KIF18B: variants seen among roughly 807,000 people sequenced by gnomAD.
The protein encoded by KIF18B is kinesin family member 18B.
In KIF18B, 49 loss-of-function variants were observed where a neutral mutation model predicts 80.9. That is an observed-to-expected ratio of 0.61 (90% CI 0.48 to 0.77). The LOEUF is 0.77. KIF18B is among the 30% of genes least tolerant of loss of function. The probability of loss-of-function intolerance (pLI) is 0.00; values close to 1 mark genes in which losing one functional copy is unlikely to be tolerated. For synonymous variants in KIF18B, 439 were observed against 463.9 expected (o/e 0.95, Z 0.69); for missense variants, 994 against 1,127.7 (o/e 0.88, Z 1.70).
In KIF18B at chr17:44,924,751, A is replaced by G. The variant is rs1285172971; in HGVS notation, c.*1329T>C. 6.6e-6 allele frequency: 1 copy of G among 152,148 alleles called. No homozygotes were observed. The highest frequency in any genetic ancestry group is 1.5e-5 in the Non-Finnish European group (1 of 68,040). 9.4% of individuals were successfully genotyped at this position (152,148 alleles called of 1,614,324 possible). A position where few individuals can be genotyped will look rare whatever the true frequency, so the allele number is the denominator to read the frequency against. ...TTATTGTTATACCAAAAATATATGT[A>G]TATATCTATATATATATGCAGAAAT... On this transcript the variant is annotated 3_prime_UTR_variant, in exon 16 of 16. Transcript: ENST00000593135.
Position 44,933,908 on chromosome 17 carries a change from C to A in KIF18B, c.1062+15G>T. The A allele has an allele frequency of 6.5e-7, 1 of 1,545,840 alleles. No individual in the cohort carries two copies. Among genetic ancestry groups the A allele is most frequent in the Non-Finnish European group, 8.7e-7 (1 of 1,145,052 alleles). ...GAGCTGCCCCACGCCCAAGCCGGCC[C>A]TGGCTGGCACGCACCGAGAGCCTGA... On this transcript the variant is annotated intron_variant, in intron 7 of 15. Transcript: ENST00000593135.
intron 1 of KIF18B, among the ~76,000 whole-genome samples, chr17:44,939,239 C>T (rs1328421675): frequency 2.0e-5 from 3 of 150,814 alleles, no homozygotes; most frequent in African/African-American, 7.3e-5. Context: ...GGCACGGTGG[C>T]GGGCGCCTGT....
At position 44,926,469 on chromosome 17, in the gene KIF18B, G is replaced by A. The variant is rs756350303; in HGVS notation, c.2397C>T (p.Ile799=). 8.2e-6 allele frequency: 13 copies of A among 1,589,736 alleles called. No homozygotes were observed. The East Asian group carries it at 9.1e-5, about 11-fold the overall frequency. Residue 799 remains isoleucine (I), a synonymous_variant, in exon 15 of 16, where the codon ATC becomes ATT. Coordinates refer to ENST00000593135, the MANE Select transcript of KIF18B (RefSeq NM_001265577.2). ...SSSVSHGRSR[I]ARLPSSTLKR... is the part of the protein sequence containing the mutation. ...TCAAAGTGCTGCTGGGGAGGCGGGC[G>A]ATGCGGCTGCGGCCATGGGAGACTG...
In KIF18B at chr17:44,935,351, C is replaced by T. The variant is rs751378591; in HGVS notation, c.379G>A (p.Gly127Ser). 1.1e-5 allele frequency: 17 copies of T among 1,613,140 alleles called. No homozygotes were observed. The Admixed American group carries it at 1.3e-4, about 13-fold the overall frequency. The change falls in exon 3 of 16, where the codon GGC becomes AGC. Residue 127 changes from glycine (G) to serine (S), a missense_variant. Transcript: ENST00000593135. ...TCCACGGTGGTCAGGTACATGATGCCGGGGTCCCCCTCCCTTCCCAGCATG... is the reference window on the plus strand; with the variant it reads ...TCCACGGTGGTCAGGTACATGATGCTGGGGTCCCCCTCCCTTCCCAGCATG... ...HTMLGREGDP[G>S]IMYLTTVELY... is the part of the protein sequence containing the mutation.
At chr17:44,939,091 C>G (rs2052365367) in intron 1 of KIF18B, among the ~76,000 whole-genome samples, 1 of 150,502 alleles carries the variant, frequency 6.6e-6, no homozygotes, top group South Asian at 2.1e-4. Context: ...TGAATTTGTG[C>G]CGGGTGCGGT....
rs751234656 is a variant in KIF18B at position 44,936,202 on chromosome 17, C to G, written c.143G>C (p.Gly48Ala). ...LVFNPEEPDGGFPGLKWGGTH... is the reference protein window; with the variant it reads ...LVFNPEEPDGAFPGLKWGGTH... ...GCCACCCCATTTCAGGCCAGGGAAC[C>G]CTCCATCGGGCTCCTCAGGGTTAAA... Residue 48 changes from glycine (G) to alanine (A), a missense_variant, in exon 2 of 16, where the codon GGG (glycine) becomes GCG (alanine). Coordinates refer to ENST00000593135, the MANE Select transcript of KIF18B (RefSeq NM_001265577.2). 3.1e-5 allele frequency: 50 copies of G among 1,611,728 alleles called. No individual in the cohort carries two copies. The East Asian group carries it at 8.3e-4, about 27-fold the overall frequency.
intron 1 of KIF18B, among the ~76,000 whole-genome samples, chr17:44,940,607 A>G (rs1420334413): frequency 6.6e-6 from 1 of 152,184 alleles, no homozygotes; most frequent in Non-Finnish European, 1.5e-5. Context: ...TGCAGCCTGG[A>G]AAAGTTCAGC....
chr17:44,941,720 G>T (rs951630854), intron 1 of KIF18B, among the ~76,000 whole-genome samples: 10 of 152,174 alleles, frequency 6.6e-5, no homozygotes, highest in Non-Finnish European at 1.3e-4. Context: ...GGCACCCGGG[G>T]AAGGGAAGGC....
chr17:44,939,286 G>A (rs566364673), intron 1 of KIF18B, among the ~76,000 whole-genome samples: 36 of 136,116 alleles, frequency 2.6e-4, no homozygotes, highest in Middle Eastern at 4.1e-3. Flanking sequence ...TAGGAGAACC[G>A]CTTGAACTTG....
chr17:44,943,346 C>T (rs1008906467), intron 1 of KIF18B, among the ~76,000 whole-genome samples: 6 of 152,120 alleles, frequency 3.9e-5, no homozygotes, highest in African/African-American at 7.2e-5. Flanking sequence ...GTGATCCACC[C>T]GCCTCGGCCT....
intron 1 of KIF18B, among the ~76,000 whole-genome samples, chr17:44,937,219 AC>A (rs1273325914): frequency 1.3e-5 from 2 of 151,482 alleles, no homozygotes; most frequent in Non-Finnish European, 2.9e-5. Flanking sequence ...TATCAATTCT[AC>A]CCCCAACCTA....
rs1388611139 is a variant in KIF18B, at chr17:44,934,464, G to A, written c.688-34C>T. ...AGATGGCAGGGGTGAGGGGGAGATG[G>A]GCATCAGGGGCACTGGTTTCAGGCT... On this transcript the variant is annotated intron_variant, in intron 5 of 15. Coordinates refer to ENST00000593135, the MANE Select transcript of KIF18B (RefSeq NM_001265577.2). This position sits in a 1 kb window ranked among gnomAD's most constrained non-coding sequence, Gnocchi z 5.4. 11 of 1,603,840 alleles carry A rather than the reference G, an allele frequency of 6.9e-6. No homozygotes were observed. Among genetic ancestry groups the A allele is most frequent in the Non-Finnish European group, 9.4e-6 (11 of 1,173,884 alleles).
At chr17:44,932,231 G>C (rs765884599) in intron 9 of KIF18B, 25 bp from the exon 10 acceptor site, 8 of 1,568,108 alleles carry the variant, frequency 5.1e-6, no homozygotes, top group South Asian at 4.7e-5. Context: ...TGGCAAGGGG[G>C]AGCTGGGAAG....
rs1276414903 is a variant in KIF18B at position 44,934,303 on chromosome 17, C to T, written c.815G>A (p.Arg272Gln). 4.3e-6 allele frequency: 7 copies of T among 1,612,052 alleles called. No individual in the cohort carries two copies. The highest frequency in any genetic ancestry group is 2.2e-5 in the South Asian group (2 of 90,666). The change falls in exon 6 of 16, where the codon CGG (arginine) becomes CAG (glutamine). Residue 272 changes from arginine to glutamine, a missense_variant. Transcript: ENST00000593135. The surrounding 1 kb of genome is among the most constrained non-coding windows in gnomAD (Gnocchi z 5.4). Reference protein sequence around the residue: ...SSTHAKGERLREGANINRSLL... With the variant: ...SSTHAKGERLQEGANINRSLL... ...AGAGCGGTTGATGTTGGCCCCCTCC[C>T]GCAGCCGCTCCCCCTTCGCATGGGT...
intron 1 of KIF18B, among the ~76,000 whole-genome samples, chr17:44,943,362 A>C (rs995200279): frequency 6.6e-6 from 1 of 152,034 alleles, no homozygotes; most frequent in African/African-American, 2.4e-5. Context: ...GGCCTCCCAA[A>C]GTGCTGGGAT....
Position 44,929,019 on chromosome 17 carries a change from G to A in KIF18B, c.1523C>T (p.Ala508Val). ...CTGGGCAACGCACAGCACCTTTAGG[G>A]CCAACCTGGAACAGAAGAAAGGGGA... ...ELDGDRSKQL[A>V]LKVLCVAQRQ... Residue 508 changes from alanine (A) to valine (V), a missense_variant, in exon 12 of 16, where the codon GCC (alanine) becomes GTC (valine). Ala to Val is a moderately conservative substitution (Grantham distance 64). Coordinates refer to ENST00000593135, the MANE Select transcript of KIF18B (RefSeq NM_001265577.2). 1 of 1,613,944 alleles carries A rather than the reference G, an allele frequency of 6.2e-7. No individual in the cohort carries two copies. The highest frequency in any genetic ancestry group is 8.5e-7 in the Non-Finnish European group (1 of 1,179,840).
intron 1 of KIF18B, among the ~76,000 whole-genome samples, chr17:44,941,690 C>A (rs888810671): frequency 3.3e-5 from 5 of 152,180 alleles, no homozygotes; most frequent in Admixed American, 6.5e-5. Context: ...TGCAGACCTA[C>A]CCCCAGGAAA....
chr17:44,932,344 G>A, intron 9 of KIF18B, 138 bp from the exon 10 acceptor site: 1 of 954,428 alleles, frequency 1.0e-6, no homozygotes, highest in South Asian at 1.9e-5. Flanking sequence ...GAGTCCATAA[G>A]GGACAGATGC....
chr17:44,936,618 ATATATATTTTTTTTTTTTTTT>A (rs2052312228), intron 1 of KIF18B, among the ~76,000 whole-genome samples: 1 of 72,756 alleles, frequency 1.4e-5, no homozygotes, highest in African/African-American at 6.0e-5. Context: ...ATATATATAT[ATATATATTTTTTTTTTTTTTT>A]TTTTTTTTTT....
Sources: allele counts gnomAD v4.1 joint callset (sites outside exome capture counted in the v4.1 genomes callset), GRCh38; gene constraint gnomAD v4.1.1; non-coding constraint Gnocchi (gnomAD v3.1); transcripts MANE v1.5; gene names NCBI Gene and HGNC (gene_info 2026-07-23, HGNC 2026-07-21).